KCNU1: variants seen among roughly 807,000 people sequenced by gnomAD.
KCNU1 encodes potassium channel subfamily U member 1.
KCNU1 carries 93 observed loss-of-function variants against 126.8 expected under a neutral mutation model. The ratio of observed to expected loss-of-function variants is 0.73; its 90% confidence interval spans 0.62 to 0.87. The LOEUF is 0.87. Ranked by LOEUF, KCNU1 falls within the 40% of genes least tolerant of loss-of-function variation. KCNU1 has a pLI of 0.00. For synonymous variants in KCNU1, 523 were observed against 494.2 expected (o/e 1.06, Z -0.77); for missense variants, 1,330 against 1,367.1 (o/e 0.97, Z 0.43).
chr8:36,912,677 T>C (rs1807924600), intron 22 of KCNU1, among the ~76,000 whole-genome samples: 1 of 152,088 alleles, frequency 6.6e-6, no homozygotes, highest in South Asian at 2.1e-4. Flanking sequence ...GTATTCATTT[T>C]AAAAGCAGTA....
At chr8:36,922,373 C>G in intron 23 of KCNU1, 117 bp from the exon 24 acceptor site, 1 of 1,115,150 alleles carries the variant, frequency 9.0e-7, no homozygotes, top group South Asian at 1.6e-5. Context: ...CCACAGAGAC[C>G]CCAAAGTAGA....
chr8:36,861,210 T>C (rs1805718532), intron 18 of KCNU1, among the ~76,000 whole-genome samples: 1 of 152,232 alleles, frequency 6.6e-6, no homozygotes, highest in African/African-American at 2.4e-5. Flanking sequence ...GAAAAGCAAC[T>C]TGGTAACAAG....
At chr8:36,865,371 A>G (rs1051159672) in intron 19 of KCNU1, among the ~76,000 whole-genome samples, 1 of 152,106 alleles carries the variant, frequency 6.6e-6, no homozygotes, top group Admixed American at 6.6e-5. Context: ...TTCAAAGAAA[A>G]CAAAATCAGT....
rs147088016 is a variant in KCNU1, at chr8:36,840,343, T to A, written c.1519-120T>A. 9.4e-5 allele frequency: 57 copies of A among 603,590 alleles called. No individual in the cohort carries two copies. In the African/African-American group the frequency reaches 9.5e-4, roughly 10 times the overall value. 37.4% of individuals were successfully genotyped at this position (603,590 alleles called of 1,614,324 possible). On this transcript the variant is annotated intron_variant, in intron 14 of 26. Coordinates refer to ENST00000399881, the MANE Select transcript of KCNU1 (RefSeq NM_001031836.3). The stretch of plus-strand genomic sequence containing the variant: ...CTCTAGTTAAGCACTAAGATAAATC[T>A]CTTTTTTATGACTTACATGCAATGA...
chr8:36,793,678 T>C (rs1424157860), intron 2 of KCNU1, among the ~76,000 whole-genome samples: 1 of 152,196 alleles, frequency 6.6e-6, no homozygotes, highest in Non-Finnish European at 1.5e-5. Flanking sequence ...CATGACATTT[T>C]ATGTTGTAAC....
intron 10 of KCNU1, among the ~76,000 whole-genome samples, chr8:36,818,767 A>G (rs1804015043): frequency 1.3e-5 from 2 of 152,282 alleles, no homozygotes; most frequent in South Asian, 4.1e-4. Flanking sequence ...CTTTTGCATT[A>G]TGACATGTTC....
intron 23 of KCNU1, among the ~76,000 whole-genome samples, chr8:36,921,203 TG>T (rs1808331632): frequency 6.6e-6 from 1 of 152,178 alleles, no homozygotes; most frequent in Non-Finnish European, 1.5e-5. Flanking sequence ...TCCTCATTTT[TG>T]TGTTGGTTGC....
intron 2 of KCNU1, among the ~76,000 whole-genome samples, chr8:36,803,184 G>A (rs1489728632): frequency 6.6e-6 from 1 of 152,156 alleles, no homozygotes; most frequent in East Asian, 1.9e-4. Context: ...TAATAGAGAT[G>A]AAACTGAGTC....
At chr8:36,929,034 A>G (rs1394898711) in intron 24 of KCNU1, 4 of 699,468 alleles carry the variant, frequency 5.7e-6, no homozygotes, top group Non-Finnish European at 1.0e-5. Context: ...CCTGCAAGCA[A>G]TGCTAAAAGG....
At chr8:36,862,675 A>G (rs1805773910) in intron 18 of KCNU1, among the ~76,000 whole-genome samples, 1 of 152,228 alleles carries the variant, frequency 6.6e-6, no homozygotes, top group African/African-American at 2.4e-5. Flanking sequence ...TCAAAGCTTT[A>G]GCAAAGATTT....
intron 7 of KCNU1, among the ~76,000 whole-genome samples, chr8:36,811,297 A>G (rs775096750): frequency 6.6e-6 from 1 of 152,198 alleles, no homozygotes; most frequent in Non-Finnish European, 1.5e-5. Flanking sequence ...TCCATGAAAC[A>G]TAATTCAAAA....
At chr8:36,816,246 T>G (rs12680910) in intron 9 of KCNU1, among the ~76,000 whole-genome samples, 1 of 152,260 alleles carries the variant, frequency 6.6e-6, no homozygotes, top group East Asian at 1.9e-4. Context: ...GCCACAGCCA[T>G]GTGTTCCCAG....
intron 10 of KCNU1, among the ~76,000 whole-genome samples, chr8:36,827,187 T>G (rs377273846): frequency 3.9e-5 from 6 of 152,224 alleles, no homozygotes; most frequent in African/African-American, 1.4e-4. Flanking sequence ...AACAGGGCAC[T>G]TCTGCCTCAG....
intron 3 of KCNU1, 146 bp from the exon 4 acceptor site, chr8:36,805,049 A>G: frequency 3.4e-6 from 2 of 579,858 alleles, no homozygotes; most frequent in East Asian, 5.7e-5. Context: ...CCAAGAGAAA[A>G]GTTAATTTCC....
intron 8 of KCNU1, 82 bp downstream of exon 8, chr8:36,814,459 A>G: frequency 1.0e-6 from 1 of 988,278 alleles, no homozygotes; most frequent in South Asian, 1.5e-5. Flanking sequence ...GAAACAATAT[A>G]GGTTTAAGAG....
At chr8:36,863,555 G>A (rs1805801476) in intron 18 of KCNU1, among the ~76,000 whole-genome samples, 1 of 152,180 alleles carries the variant, frequency 6.6e-6, no homozygotes, top group Non-Finnish European at 1.5e-5. Flanking sequence ...AATTTGCAAA[G>A]CATTGTTTAG....
chr8:36,807,113 T>C (rs543032306), intron 5 of KCNU1, among the ~76,000 whole-genome samples: 2 of 152,260 alleles, frequency 1.3e-5, no homozygotes, highest in South Asian at 4.1e-4. Flanking sequence ...GTTGGTACTA[T>C]TATAATAGTA....
chr8:36,787,341 T>C lies in KCNU1; in HGVS notation c.231T>C (p.His77=), dbSNP rs374074583. 5 of 1,612,392 alleles carry C rather than the reference T, an allele frequency of 3.1e-6. No homozygotes were observed. Among genetic ancestry groups the C allele is most frequent in the Non-Finnish European group, 4.2e-6 (5 of 1,178,958 alleles). The change falls in exon 2 of 27, where the codon CAT becomes CAC. Residue 77 remains histidine, a synonymous_variant. Coordinates refer to ENST00000399881, the MANE Select transcript of KCNU1 (RefSeq NM_001031836.3). The part of the protein sequence containing the change: ...LFTSGTIARS[H]VRSLHFQGQF... ...CATCAGGTACCATCGCTAGGAGCCA[T>C]GTAAGAAGCCTCCACTTCCAGGGAC... is the stretch of plus-strand genomic sequence containing the variant.
chr8:36,830,082 T>G (rs575687707), intron 10 of KCNU1, among the ~76,000 whole-genome samples: 2 of 149,624 alleles, frequency 1.3e-5, no homozygotes, highest in Admixed American at 1.3e-4. Context: ...TATCTTTATT[T>G]TATCTTTGTA....
Sources: allele counts gnomAD v4.1 joint callset (sites outside exome capture counted in the v4.1 genomes callset), GRCh38; gene constraint gnomAD v4.1.1; transcripts MANE v1.5; gene names NCBI Gene and HGNC (gene_info 2026-07-23, HGNC 2026-07-21).